The following TRIM66 variants were observed in gnomAD, a reference collection of about 807,000 sequenced individuals.
TRIM66 encodes tripartite motif-containing protein 66.
A neutral mutation model predicts 148.2 loss-of-function variants in TRIM66; 99 were observed. The ratio of observed to expected loss-of-function variants is 0.67; its 90% CI spans 0.57 to 0.79. The LOEUF is 0.79. Among genes scored for constraint, TRIM66 ranks in the 30% least tolerant of loss-of-function variants. The pLI is 0.00. For missense variants in TRIM66, 1,666 were observed against 1,697.9 expected, an observed-to-expected ratio of 0.98 and a Z score of 0.33; for synonymous variants, 616 against 635.9, an observed-to-expected ratio of 0.97 and a Z score of 0.47.
At chr11:8,674,038 C>G (rs756406894) in intron 4 of TRIM66, among the ~76,000 whole-genome samples, 15 of 152,202 alleles carry the variant, frequency 9.9e-5, no homozygotes, top group Non-Finnish European at 1.9e-4. Flanking sequence ...TAGCAGAAAA[C>G]AGCCATAGCA....
In TRIM66 at chr11:8,649,881, A is replaced by G. The variant is rs1183183119; in HGVS notation, c.451T>C (p.Ser151Pro). The change falls in exon 8 of 25, where the codon TCT becomes CCT. Residue 151 changes from serine to proline, a missense_variant. By Grantham distance (74) the Ser-to-Pro change is moderately conservative (BLOSUM62 -1). Coordinates refer to ENST00000646038, the MANE Select transcript of TRIM66 (RefSeq NM_001388022.1). ...TEQPKMARNCSECKEKRAAHI... is the reference protein window; with the variant it reads ...TEQPKMARNCPECKEKRAAHI... ...GCTGCCCTCTTCTCCTTGCACTCAG[A>G]GCAGTTCTGGAAGCAGAGAGTTCTG... 2 of 1,550,928 alleles carry G rather than the reference A, an allele frequency of 1.3e-6. No homozygotes were observed. Among genetic ancestry groups the G allele is most frequent in the African/African-American group, 1.4e-5 (1 of 72,980 alleles).
At chr11:8,651,697 A>G in intron 7 of TRIM66, 103 bp downstream of exon 7, 2 of 951,008 alleles carry the variant, frequency 2.1e-6, no homozygotes. Context: ...ATGGAGAAGT[A>G]ACAAATCAGA....
intron 6 of TRIM66, among the ~76,000 whole-genome samples, chr11:8,653,498 A>ACCTGAGG (rs2133286685): frequency 6.6e-6 from 1 of 152,242 alleles, no homozygotes; most frequent in Non-Finnish European, 1.5e-5. Flanking sequence ...CAGGCATCCC[A>ACCTGAGG]CCTGAGGCCA....
At chr11:8,652,848 G>A (rs1350693427) in intron 6 of TRIM66, among the ~76,000 whole-genome samples, 1 of 152,250 alleles carries the variant, frequency 6.6e-6, no homozygotes, top group Non-Finnish European at 1.5e-5. Flanking sequence ...AGAATGATAT[G>A]ATGGCAGTTG....
At chr11:8,646,603 G>T in intron 10 of TRIM66, 42 bp from the exon 11 acceptor site, 1 of 1,469,256 alleles carries the variant, frequency 6.8e-7, no homozygotes, top group Non-Finnish European at 9.3e-7. Context: ...CTTTCCTCAT[G>T]GACTATATGA....
chr11:8,682,386 C>T, intron 1 of TRIM66: 2 of 217,082 alleles, frequency 9.2e-6, no homozygotes, highest in Non-Finnish European at 1.9e-5. Context: ...GGGCAGACCA[C>T]TAAGAACTGT....
At position 8,641,006 on chromosome 11, in the gene TRIM66, A is replaced by T. The variant is rs1269347108; in HGVS notation, c.1369T>A (p.Ser457Thr). The change falls in exon 14 of 25, where the codon TCT becomes ACT. Residue 457 changes from serine to threonine, a missense_variant. Physicochemically the swap from Ser to Thr is moderately conservative, Grantham distance 58. This residue lies in a region of TRIM66 where 1,431 missense variants were observed against 1,412.4 expected (regional missense o/e 1.01). Coordinates refer to ENST00000646038, the MANE Select transcript of TRIM66 (RefSeq NM_001388022.1). ...ACAGATGAGGAGCACACTGCTGGAG[A>T]CTGGAACTTGTGTGAGGGGTGGCTA... ...ALSHPSHKFQ[S>T]PAVCSSSVCC... 1.3e-6 allele frequency: 2 copies of T among 1,551,198 alleles called. No homozygotes were observed. The highest frequency in any genetic ancestry group is 1.2e-5 in the South Asian group (1 of 84,036).
rs193169577 is a variant in TRIM66 at position 8,680,330 on chromosome 11, G to A, written c.-547-267C>T. On this transcript the variant is annotated intron_variant, in intron 1 of 24. Coordinates refer to ENST00000646038, the MANE Select transcript of TRIM66 (RefSeq NM_001388022.1). ...GTAAAAGAATGAAAGTCATGTTTTC[G>A]GAATACTAACGTGGTGGAGGTGTGA... 1.3e-4 allele frequency among the ~76,000 whole-genome samples: 20 copies of A among 152,290 alleles called. No individual in the cohort carries two copies. In the South Asian group the frequency reaches 1.5e-3, roughly 11 times the overall value.
Position 8,648,498 on chromosome 11 carries a change from G to C in TRIM66, c.643C>G (p.Gln215Glu). The C allele has an allele frequency of 1.3e-6, 2 of 1,551,708 alleles. No individual in the cohort carries two copies. Among genetic ancestry groups the C allele is most frequent in the Non-Finnish European group, 1.7e-6 (2 of 1,146,990 alleles). The change falls in exon 9 of 25, where the codon CAG (glutamine) becomes GAG (glutamate). Residue 215 changes from glutamine (Q) to glutamate (E), a missense_variant. Gln to Glu is a conservative substitution (Grantham distance 29). Coordinates refer to ENST00000646038, the MANE Select transcript of TRIM66 (RefSeq NM_001388022.1). ...DFTLYCPLHT[Q>E]EVLKLFCETC... ...TCACAGAATAGCTTGAGTACTTCCT[G>C]TGTGTGTAGAGGACAATACAAGGTG...
chr11:8,619,360 G>C, intron 23 of TRIM66, 23 bp downstream of exon 23: 1 of 1,479,656 alleles, frequency 6.8e-7, no homozygotes, highest in East Asian at 2.5e-5. Flanking sequence ...AAATAGGAGA[G>C]AGGGAAAACA....
At chr11:8,682,842 C>A, upstream of TRIM66, 5 of 1,608,970 alleles carry the variant, frequency 3.1e-6, no homozygotes, top group Non-Finnish European at 4.2e-6. Context: ...CTTGCCTCCT[C>A]TTCCTTGCCG....
chr11:8,619,320 C>T, intron 23 of TRIM66, 63 bp downstream of exon 23: 3 of 920,206 alleles, frequency 3.3e-6, no homozygotes, highest in East Asian at 3.3e-5. Flanking sequence ...CCCAACCCTA[C>T]CCACCCATGA....
At chr11:8,656,277 T>C in intron 6 of TRIM66, among the ~76,000 whole-genome samples, 1 of 152,396 alleles carries the variant, frequency 6.6e-6, no homozygotes, top group South Asian at 2.1e-4. Flanking sequence ...TTAGTTTAGT[T>C]ATAAATACAT....
rs1592022488 is a variant in TRIM66, at chr11:8,624,389, T to C, written c.2989A>G (p.Thr997Ala). ...GGGTTCTGGTACTGCTGCAGAGCTGTAGACGTGCTGACCACTGGCGCCAGT... is the reference window on the plus strand; with the variant it reads ...GGGTTCTGGTACTGCTGCAGAGCTGCAGACGTGCTGACCACTGGCGCCAGT... ...PPLAPVVSTS[T>A]ALQQYQNPKE... The change falls in exon 17 of 25, where the codon ACA becomes GCA. Residue 997 changes from threonine to alanine, a missense_variant. Physicochemically the swap from Thr to Ala is moderately conservative, Grantham distance 58. Coordinates refer to ENST00000646038, the MANE Select transcript of TRIM66 (RefSeq NM_001388022.1). The C allele has an allele frequency of 5.2e-6, 8 of 1,551,424 alleles. No individual in the cohort carries two copies. The highest frequency in any genetic ancestry group is 1.2e-5 in the South Asian group (1 of 84,006).
intron 15 of TRIM66, among the ~76,000 whole-genome samples, chr11:8,637,772 T>G (rs1038028647): frequency 1.3e-5 from 2 of 151,722 alleles, no homozygotes; most frequent in African/African-American, 4.8e-5. Flanking sequence ...CAGGGCTGGG[T>G]GGAGGCACTG....
In TRIM66 at chr11:8,638,702, G is replaced by T; in HGVS notation, c.2262C>A (p.Pro754=). 5 of 1,549,582 alleles carry T rather than the reference G, an allele frequency of 3.2e-6. No homozygotes were observed. The highest frequency in any genetic ancestry group is 4.4e-6 in the Non-Finnish European group (5 of 1,146,164). Residue 754 remains proline (P), a synonymous_variant, in exon 15 of 25, where the codon CCC becomes CCA. Coordinates refer to ENST00000646038, the MANE Select transcript of TRIM66 (RefSeq NM_001388022.1). ...AGTGCTGGATGGTGCTGTCCACTGG[G>T]GGGACACTGAGAGGGGTTTCTTCCC... ...ASGEETPLSV[P]PVDSTIQHSS...
At chr11:8,682,822 T>C (rs2039508210), upstream of TRIM66, 1 of 1,612,050 alleles carries the variant, frequency 6.2e-7, no homozygotes, top group Non-Finnish European at 8.5e-7. Context: ...ACATGGTAGG[T>C]GTTTCGTTTC....
chr11:8,666,042 A>G (rs1394535951), intron 6 of TRIM66, among the ~76,000 whole-genome samples: 1 of 152,082 alleles, frequency 6.6e-6, no homozygotes, highest in African/African-American at 2.4e-5. Context: ...AAGACCTACT[A>G]AAGAATATAA....
chr11:8,676,156 T>G (rs1315312307), intron 3 of TRIM66, among the ~76,000 whole-genome samples: 1 of 152,204 alleles, frequency 6.6e-6, no homozygotes, highest in African/African-American at 2.4e-5. Context: ...TCTAAAAAAG[T>G]ACTTAAGAAT....
Sources: gnomAD v4.1 joint callset for allele counts (sites outside exome capture counted in the v4.1 genomes callset) on GRCh38, gnomAD v4.1.1 for gene constraint, gnomAD v4.1.1 regional missense constraint, MANE v1.5 for transcripts, NCBI Gene and HGNC (gene_info 2026-07-23, HGNC 2026-07-21) for gene names.